The following ABCC6 variants were observed in gnomAD, a reference collection of about 807,000 sequenced individuals.
ABCC6 encodes the protein ATP-binding cassette sub-family C member 6.
In ABCC6, 126 loss-of-function variants were observed where a neutral mutation model predicts 169.5. The ratio of observed to expected loss-of-function variants is 0.74; its 90% CI spans 0.64 to 0.86. The LOEUF is 0.86. Ranked by LOEUF, ABCC6 falls within the 40% of genes least tolerant of loss-of-function variation. The pLI is 0.00. For missense variants in ABCC6, 1,733 were observed against 1,927.2 expected (o/e 0.90, Z 1.89); for synonymous variants, 752 against 814.7 (o/e 0.92, Z 1.31).
Position 16,157,704 on chromosome 16 carries a change from C to T in ABCC6, c.3841G>A (p.Ala1281Thr), listed in dbSNP as rs1416583834. ...ATCTTGAAGGACACGCCCTGCACAG[C>T]CAGCGGGAGCTCAGGTCGGTATCTT... ...GLRYRPELPL[A>T]VQGVSFKIHA... Residue 1281 changes from alanine (A) to threonine (T), a missense_variant, in exon 27 of 31, where the codon GCT becomes ACT. Physicochemically the swap from Ala to Thr is moderately conservative, Grantham distance 58. Around this residue, in one of 5 missense-constraint regions of ABCC6, gnomAD observed 1,601 missense variants for 1,635.5 expected, o/e 0.98. Transcript: ENST00000205557. 10 of 1,613,862 alleles carry T rather than the reference C, an allele frequency of 6.2e-6. No individual in the cohort carries two copies. Among genetic ancestry groups the T allele is most frequent in the Non-Finnish European group, 7.6e-6 (9 of 1,180,020 alleles).
rs142864967 is a variant in ABCC6 at position 16,176,019 on chromosome 16, C to T, written c.2591-33G>A. 1.4e-4 allele frequency: 220 copies of T among 1,603,546 alleles called. 2 individuals are homozygous for T. The East Asian group carries it at 2.2e-3, about 16-fold the overall frequency. ...GTCAAGAGAGTCCTGTCACGCAACA[C>T]GGCCCAGATACCCACTTTGACACCC... On this transcript the variant is annotated intron_variant, in intron 19 of 30. Transcript: ENST00000205557.
rs781190396 is a variant in ABCC6, at chr16:16,182,411, C to T, written c.2247+1G>A. 3.1e-6 allele frequency: 5 copies of T among 1,613,756 alleles called. No individual in the cohort carries two copies. The highest frequency in any genetic ancestry group is 1.1e-5 in the South Asian group (1 of 91,064). Reference sequence around the variant, plus strand: ...TCCCAAAAAGACCCCCAAACTCTCACCTGCTCCCCAATTGAAGTGTGGATT... The same window carrying T: ...TCCCAAAAAGACCCCCAAACTCTCATCTGCTCCCCAATTGAAGTGTGGATT... On this transcript the variant is annotated splice_donor_variant, in intron 17 of 30. Transcript: ENST00000205557. LOFTEE classifies it high-confidence loss of function.
intron 17 of ABCC6, among the ~76,000 whole-genome samples, chr16:16,181,488 G>A (rs2283507): frequency 0.45 from 67,765 of 152,066 alleles, 15,714 homozygotes; most frequent in Non-Finnish European, 0.51. Flanking sequence ...TGAGCCCTGG[G>A]GACTCCTGGG....
intron 17 of ABCC6, among the ~76,000 whole-genome samples, chr16:16,179,615 G>A (rs973172694): frequency 5.3e-5 from 8 of 152,098 alleles, no homozygotes; most frequent in African/African-American, 1.9e-4. Flanking sequence ...TTGAGATGGA[G>A]TTTTGCTCTT....
At position 16,161,566 on chromosome 16, in the gene ABCC6, T is replaced by G. The variant is rs1423674851; in HGVS notation, c.3507-2A>C. On this transcript the variant is annotated splice_acceptor_variant, in intron 24 of 30. Transcript: ENST00000205557. LOFTEE classifies it high-confidence loss of function. The stretch of plus-strand genomic sequence containing the variant: ...AGCTCCACATTGGCCGCAAGCCACC[T>G]GCAAAGGGAAGCGACAGCAGGGTGA... 6.2e-7 allele frequency: 1 copy of G among 1,613,868 alleles called. No individual in the cohort carries two copies.
rs768037422 is a variant in ABCC6, at chr16:16,188,830, C to G, written c.1779+1G>C. On this transcript the variant is annotated splice_donor_variant, in intron 13 of 30. Coordinates refer to ENST00000205557, the MANE Select transcript of ABCC6 (RefSeq NM_001171.6). LOFTEE classifies it high-confidence loss of function. The stretch of plus-strand genomic sequence containing the variant: ...GGCTCCAGCCCTTGCACCCACCTCA[C>G]CTGGACGAGGGAGTGGATGGAGAAG... 6.2e-7 allele frequency: 1 copy of G among 1,613,420 alleles called. No homozygotes were observed. The highest frequency in any genetic ancestry group is 8.5e-7 in the Non-Finnish European group (1 of 1,179,746).
chr16:16,217,781 G>C (rs912982123), intron 4 of ABCC6, among the ~76,000 whole-genome samples: 1 of 152,000 alleles, frequency 6.6e-6, no homozygotes, highest in Non-Finnish European at 1.5e-5. Flanking sequence ...TAGTTACAAA[G>C]GTTACTCTTT....
intron 4 of ABCC6, among the ~76,000 whole-genome samples, chr16:16,214,924 A>G (rs2048798345): frequency 6.6e-6 from 1 of 152,116 alleles, no homozygotes; most frequent in African/African-American, 2.4e-5. Context: ...CTAATTTTCA[A>G]ATACCCAATT....
intron 4 of ABCC6, among the ~76,000 whole-genome samples, chr16:16,218,015 G>A (rs866879863): frequency 7.9e-5 from 12 of 151,700 alleles, no homozygotes; most frequent in East Asian, 5.8e-4. Flanking sequence ...GATTGAACCC[G>A]GAGGTGGAGG....
intron 17 of ABCC6, chr16:16,181,570 A>C (rs113924790): frequency 2.0e-5 from 3 of 152,900 alleles, no homozygotes; most frequent in Non-Finnish European, 2.9e-5. Context: ...GGATCAGGGA[A>C]TATCACAGAG....
intron 15 of ABCC6, among the ~76,000 whole-genome samples, chr16:16,183,638 G>GC (rs2047552481): frequency 6.6e-6 from 1 of 152,126 alleles, no homozygotes; most frequent in South Asian, 2.1e-4. Flanking sequence ...AACACAAAAG[G>GC]CCAGTGGTTC....
At position 16,154,875 on chromosome 16, in the gene ABCC6, G is replaced by A. The variant is rs2046492442; in HGVS notation, c.4039C>T (p.Gln1347Ter). 2 of 1,612,540 alleles carry A rather than the reference G, an allele frequency of 1.2e-6. No homozygotes were observed. Among genetic ancestry groups the A allele is most frequent in the Non-Finnish European group, 8.5e-7 (1 of 1,179,474 alleles). The stretch of plus-strand genomic sequence containing the variant: ...CCCACCCCCTCCACCAGCCTCACCT[G>A]GGGGATGATGCTGATCCTGGAGCGC... The part of the protein sequence containing the change: ...TLRSRISIIP[Q>*]DPILFPGSLR... Residue 1347 changes from glutamine to a stop codon, truncating the protein, a stop_gained and splice_region_variant, in exon 28 of 31, where the codon CAG becomes TAG. Transcript: ENST00000205557. LOFTEE classifies it high-confidence loss of function.
At chr16:16,190,424 G>T in intron 11 of ABCC6, 57 bp from the exon 12 acceptor site, 1 of 1,586,076 alleles carries the variant, frequency 6.3e-7, no homozygotes. Flanking sequence ...ACTCTTCCCT[G>T]CACCCTGACA....
At chr16:16,166,844 G>A (rs1433280100) in intron 22 of ABCC6, among the ~76,000 whole-genome samples, 1 of 152,140 alleles carries the variant, frequency 6.6e-6, no homozygotes, top group East Asian at 1.9e-4. Flanking sequence ...TGAGCCATAA[G>A]CCGAGATCGT....
rs535382884 is a variant in ABCC6, at chr16:16,154,506, G to A, written c.4208+122C>T. 1.1e-5 allele frequency: 14 copies of A among 1,254,364 alleles called. No individual in the cohort carries two copies. The South Asian group carries it at 1.6e-4, about 14-fold the overall frequency. 77.7% of individuals were successfully genotyped at this position (1,254,364 alleles called of 1,614,324 possible). ...TGGAATTGCAGATAAGAGACATGTG[G>A]TTATTAATGTAACAGAGTGATAATC... On this transcript the variant is annotated intron_variant, in intron 29 of 30. Coordinates refer to ENST00000205557, the MANE Select transcript of ABCC6 (RefSeq NM_001171.6).
rs1313461574 is a variant in ABCC6 at position 16,165,901 on chromosome 16, G to A, written c.3028C>T (p.Leu1010Phe). 6.2e-7 allele frequency: 1 copy of A among 1,613,128 alleles called. No homozygotes were observed. The highest frequency in any genetic ancestry group is 1.1e-5 in the South Asian group (1 of 91,090). Residue 1010 changes from leucine to phenylalanine, a missense_variant, in exon 23 of 31, where the codon CTC (leucine) becomes TTC (phenylalanine). By Grantham distance (22) the Leu-to-Phe change is conservative. Transcript: ENST00000205557. ...IGLFASMAAV[L>F]LGGARASRLL... is the part of the protein sequence containing the mutation. ...CTGGATGCCCGGGCCCCACCTAGGAGCACCGCAGCCATGGAGGCAAACAGC... is the reference window on the plus strand; with the variant it reads ...CTGGATGCCCGGGCCCCACCTAGGAACACCGCAGCCATGGAGGCAAACAGC...
At chr16:16,166,312 G>A (rs2046872454) in intron 22 of ABCC6, among the ~76,000 whole-genome samples, 3 of 152,002 alleles carry the variant, frequency 2.0e-5, no homozygotes, top group Admixed American at 2.0e-4. Flanking sequence ...GCCTCCCAAA[G>A]TGCTGAGATG....
At chr16:16,155,300 C>T (rs2046515922) in intron 27 of ABCC6, 2 of 573,302 alleles carry the variant, frequency 3.5e-6, no homozygotes, top group Non-Finnish European at 6.2e-6. Context: ...CTCCATCTTT[C>T]CTCATCCTTC....
chr16:16,172,107 G>A (rs765338680), intron 21 of ABCC6, among the ~76,000 whole-genome samples: 973 of 29,522 alleles, frequency 0.033, 22 homozygotes, highest in East Asian at 0.072. Flanking sequence ...GGCTAAATGA[G>A]TGGGTGGGAT....
Sources: allele counts gnomAD v4.1 joint callset (sites outside exome capture counted in the v4.1 genomes callset), GRCh38; gene constraint gnomAD v4.1.1; regional missense constraint gnomAD v4.1.1; transcripts MANE v1.5; gene names NCBI Gene and HGNC (gene_info 2026-07-23, HGNC 2026-07-21).